The following LAMA3 variants were observed in gnomAD, a reference collection of about 807,000 sequenced individuals.
The protein encoded by LAMA3 is laminin subunit alpha-3.
In LAMA3, 281 loss-of-function variants were observed where a neutral mutation model predicts 402.0. The ratio of observed to expected loss-of-function variants is 0.70; its 90% CI spans 0.63 to 0.77. The LOEUF (loss-of-function observed/expected upper bound fraction) is 0.77. Among genes scored for constraint, LAMA3 ranks in the 30% least tolerant of loss-of-function variants. LAMA3 has a pLI of 0.00. For missense variants in LAMA3, 3,840 were observed against 4,215.5 expected, an observed-to-expected ratio of 0.91 and a Z score of 2.47; for synonymous variants, 1,431 against 1,558.4, an observed-to-expected ratio of 0.92 and a Z score of 1.93.
At chr18:23,806,424 T>C (rs538150576) in intron 12 of LAMA3, among the ~76,000 whole-genome samples, 2 of 152,278 alleles carry the variant, frequency 1.3e-5, no homozygotes, top group East Asian at 3.9e-4. Flanking sequence ...TATCAGTTGA[T>C]AAGGAAAGTG....
intron 55 of LAMA3, among the ~76,000 whole-genome samples, chr18:23,911,529 T>G (rs2081423452): frequency 6.6e-6 from 1 of 151,994 alleles, no homozygotes; most frequent in Non-Finnish European, 1.5e-5. Flanking sequence ...CTACTTTGTT[T>G]TTTTTATTTT....
At chr18:23,818,171 G>A (rs1392481088) in intron 18 of LAMA3, among the ~76,000 whole-genome samples, 1 of 152,038 alleles carries the variant, frequency 6.6e-6, no homozygotes, top group African/African-American at 2.4e-5. Context: ...ATAAAAAAAT[G>A]TTTTCCACCT....
intron 2 of LAMA3, among the ~76,000 whole-genome samples, chr18:23,744,340 G>A (rs1455971993): frequency 6.6e-6 from 1 of 152,128 alleles, no homozygotes; most frequent in Non-Finnish European, 1.5e-5. Context: ...CATACATTGG[G>A]GAACCTCAGA....
intron 62 of LAMA3, 93 bp from the exon 63 acceptor site, chr18:23,928,030 G>A: frequency 1.1e-6 from 1 of 872,500 alleles, no homozygotes; most frequent in Non-Finnish European, 2.0e-6. Flanking sequence ...CTCATTTATG[G>A]GTGAAAAGTA....
intron 12 of LAMA3, among the ~76,000 whole-genome samples, chr18:23,795,719 T>A (rs62094786): frequency 1.3e-5 from 2 of 151,544 alleles, no homozygotes; most frequent in African/African-American, 2.4e-5. Flanking sequence ...GGGCTTAAAA[T>A]ATATATATTT....
At chr18:23,818,580 C>T (rs888043113) in intron 18 of LAMA3, among the ~76,000 whole-genome samples, 20 of 152,108 alleles carry the variant, frequency 1.3e-4, no homozygotes, top group African/African-American at 3.1e-4. Flanking sequence ...AAAGAATTCA[C>T]GTTTGCTTTA....
intron 18 of LAMA3, among the ~76,000 whole-genome samples, chr18:23,817,023 T>C (rs746034791): frequency 1.9e-4 from 29 of 152,140 alleles, no homozygotes; most frequent in Non-Finnish European, 3.2e-4. Context: ...CCTGTTTCCC[T>C]CTTGGGACCC....
rs375500646 is a variant in LAMA3, at chr18:23,735,351, G to A, written c.448-12592G>A. 8.1e-4 allele frequency among the ~76,000 whole-genome samples: 124 copies of A among 152,334 alleles called. 3 individuals carry two copies. In the South Asian group the frequency reaches 0.025, roughly 31 times the overall value. ...TTACTAGAGACTGCTGTTCCATTTA[G>A]TTTTGAGTCATTCTGTCTCCACAGG... On this transcript the variant is annotated intron_variant, in intron 2 of 74. Coordinates refer to ENST00000313654, the MANE Select transcript of LAMA3 (RefSeq NM_198129.4).
At chr18:23,912,628 C>A in intron 55 of LAMA3, 83 bp from the exon 56 acceptor site, 2 of 1,123,434 alleles carry the variant, frequency 1.8e-6, no homozygotes, top group Non-Finnish European at 2.7e-6. Flanking sequence ...TGATACATGG[C>A]TACGAGTCAC....
chr18:23,745,283 G>C (rs1489546071), intron 2 of LAMA3, among the ~76,000 whole-genome samples: 12 of 151,998 alleles, frequency 7.9e-5, no homozygotes, highest in Non-Finnish European at 1.5e-5. Context: ...TGTTCTTTGA[G>C]CTGTCCTGTA....
At position 23,857,879 on chromosome 18, in the gene LAMA3, G is replaced by A. The variant is rs200732328; in HGVS notation, c.4172G>A (p.Arg1391Gln). 147 of 1,614,216 alleles carry A rather than the reference G, an allele frequency of 9.1e-5. No homozygotes were observed. Among genetic ancestry groups the A allele is most frequent in the African/African-American group, 2.4e-4 (18 of 75,048 alleles). ...KPRITGRQCD[R>Q]CASGFYRFPE... ...AGAATCACAGGGCGGCAGTGTGACC[G>A]ATGTGCTTCCGGGTTTTACCGCTTT... is the stretch of plus-strand genomic sequence containing the variant. Residue 1391 changes from arginine to glutamine, a missense_variant, in exon 33 of 75, where the codon CGA (arginine) becomes CAA (glutamine). Physicochemically the swap from Arg to Gln is conservative, Grantham distance 43 (BLOSUM62 1). Coordinates refer to ENST00000313654, the MANE Select transcript of LAMA3 (RefSeq NM_198129.4).
At chr18:23,714,476 C>T (rs905584435) in intron 2 of LAMA3, among the ~76,000 whole-genome samples, 6 of 151,958 alleles carry the variant, frequency 3.9e-5, no homozygotes, top group Admixed American at 6.6e-5. Context: ...GCCAAGATCG[C>T]GCCACTGCAC....
In LAMA3 at chr18:23,773,490, T is replaced by G; in HGVS notation, c.1183-7T>G. 1 of 1,576,996 alleles carries G rather than the reference T, an allele frequency of 6.3e-7. No homozygotes were observed. The highest frequency in any genetic ancestry group is 8.7e-7 in the Non-Finnish European group (1 of 1,155,512). On this transcript the variant is annotated splice_region_variant and splice_polypyrimidine_tract_variant and intron_variant, in intron 8 of 74. Transcript: ENST00000313654. ...CCTTCCTTTAAGTTTCTTTTGTTTC[T>G]TTCTAGCACAACACAGCTGGAGTAA...
intron 2 of LAMA3, among the ~76,000 whole-genome samples, chr18:23,747,120 C>T (rs983624622): frequency 6.6e-6 from 1 of 152,064 alleles, no homozygotes; most frequent in African/African-American, 2.4e-5. Context: ...GGATAATCCT[C>T]ACTCATTAAC....
At chr18:23,798,809 G>A (rs770268007) in intron 12 of LAMA3, among the ~76,000 whole-genome samples, 5 of 152,150 alleles carry the variant, frequency 3.3e-5, no homozygotes, top group Non-Finnish European at 7.4e-5. Flanking sequence ...GGTGCCAATC[G>A]GCCTTTCTAC....
intron 46 of LAMA3, 51 bp from the exon 47 acceptor site, chr18:23,899,230 TAAGTAGC>T: frequency 6.9e-7 from 1 of 1,439,232 alleles, no homozygotes; most frequent in Non-Finnish European, 9.6e-7. Context: ...TTTTTTTTTT[TAAGTAGC>T]CTACTGGAGC....
At chr18:23,709,972 G>A in intron 1 of LAMA3, 2 of 736,904 alleles carry the variant, frequency 2.7e-6, no homozygotes, top group Non-Finnish European at 5.0e-6. Flanking sequence ...TTGATTTGGT[G>A]TTTGTTGGCT....
chr18:23,894,029 C>A (rs1025281090), intron 42 of LAMA3, among the ~76,000 whole-genome samples: 2 of 152,096 alleles, frequency 1.3e-5, no homozygotes, highest in Non-Finnish European at 2.9e-5. Flanking sequence ...CTGCAGCGAG[C>A]CTGCTGGGAG....
chr18:23,792,690 A>G (rs2062682857), intron 12 of LAMA3, among the ~76,000 whole-genome samples: 1 of 152,148 alleles, frequency 6.6e-6, no homozygotes, highest in African/African-American at 2.4e-5. Context: ...TAAGAGCTGG[A>G]TGCTTTTTTG....
Sources: gnomAD v4.1 joint callset for allele counts (sites outside exome capture counted in the v4.1 genomes callset) on GRCh38, gnomAD v4.1.1 for gene constraint, MANE v1.5 for transcripts, NCBI Gene and HGNC (gene_info 2026-07-23, HGNC 2026-07-21) for gene names.